NPSR1: variants seen among roughly 807,000 people sequenced by gnomAD.
The protein encoded by NPSR1 is neuropeptide S receptor.
NPSR1 carries 48 observed loss-of-function variants against 46.9 expected under a neutral mutation model. That is an observed-to-expected ratio of 1.02 (90% CI 0.81 to 1.30). NPSR1 has a LOEUF of 1.30. NPSR1 is among the 50% of genes most tolerant of loss of function. The pLI is 0.00. For synonymous variants in NPSR1, 176 were observed against 168.1 expected (o/e 1.05, Z -0.36); for missense variants, 450 against 449.5 (o/e 1.00, Z -0.01).
intron 1 of NPSR1, among the ~76,000 whole-genome samples, chr7:34,662,276 T>C (rs2128668953): frequency 6.6e-6 from 1 of 152,316 alleles, no homozygotes; most frequent in African/African-American, 2.4e-5. Flanking sequence ...TGCTTCTAAG[T>C]GCTTGAGGGT....
chr7:34,854,536 T>C (rs1382114719), downstream of NPSR1, among the ~76,000 whole-genome samples: 14 of 152,208 alleles, frequency 9.2e-5, no homozygotes, highest in Admixed American at 2.0e-4. Flanking sequence ...ACTAAATACC[T>C]TTTAAGGCAA....
chr7:34,823,414 A>AC (rs1235773389), intron 4 of NPSR1, among the ~76,000 whole-genome samples: 5 of 147,472 alleles, frequency 3.4e-5, no homozygotes, highest in African/African-American at 1.0e-4. Context: ...AAAAAAAAAA[A>AC]AACAACACCA....
At chr7:34,852,487 C>T (rs1473291766), downstream of NPSR1, among the ~76,000 whole-genome samples, 1 of 151,968 alleles carries the variant, frequency 6.6e-6, no homozygotes, top group Non-Finnish European at 1.5e-5. Flanking sequence ...GGTGGTTCCT[C>T]CCAGACACAG....
intron 2 of NPSR1, among the ~76,000 whole-genome samples, chr7:34,712,682 C>T (rs34360703): frequency 3.0e-4 from 45 of 152,158 alleles, no homozygotes; most frequent in African/African-American, 9.9e-4. Context: ...GAGGAACAAC[C>T]GAAACAGAGA....
At chr7:34,861,073 C>T (rs1393892993) in intron 8 of NPSR1, among the ~76,000 whole-genome samples, 2 of 151,828 alleles carry the variant, frequency 1.3e-5, no homozygotes, top group Non-Finnish European at 2.9e-5. Context: ...ATTGAGGCTT[C>T]GTTCCAGGCA....
chr7:34,783,645 C>G (rs1306784482), intron 3 of NPSR1, among the ~76,000 whole-genome samples: 2 of 151,602 alleles, frequency 1.3e-5, no homozygotes, highest in Non-Finnish European at 2.9e-5. Flanking sequence ...TACAAATATC[C>G]AGGTGTACAA....
intron 5 of NPSR1, among the ~76,000 whole-genome samples, chr7:34,830,746 C>T (rs552544145): frequency 7.2e-4 from 110 of 152,214 alleles, no homozygotes; most frequent in African/African-American, 2.6e-3. Flanking sequence ...GCCACAAATA[C>T]CTCATTGTTT....
chr7:34,841,220 C>A (rs1455261006), intron 6 of NPSR1, among the ~76,000 whole-genome samples: 1 of 152,146 alleles, frequency 6.6e-6, no homozygotes, highest in Non-Finnish European at 1.5e-5. Context: ...GAATTCCCCC[C>A]ACTACCTCCC....
intron 2 of NPSR1, among the ~76,000 whole-genome samples, chr7:34,757,621 C>T (rs1446559464): frequency 1.3e-5 from 2 of 152,096 alleles, no homozygotes; most frequent in African/African-American, 4.8e-5. Flanking sequence ...GCTCTGAAGC[C>T]CAGCCTGTTC....
intron 8 of NPSR1, among the ~76,000 whole-genome samples, chr7:34,866,739 C>T (rs1299904528): frequency 6.6e-6 from 1 of 151,560 alleles, no homozygotes; most frequent in Non-Finnish European, 1.5e-5. Context: ...GCAAGATTTG[C>T]ACTCTAGGGA....
intron 2 of NPSR1, among the ~76,000 whole-genome samples, chr7:34,710,020 G>A (rs1235545000): frequency 2.6e-5 from 4 of 152,176 alleles, no homozygotes; most frequent in African/African-American, 4.8e-5. Context: ...TCAGACTCCT[G>A]AGCAAGCTCC....
intron 2 of NPSR1, among the ~76,000 whole-genome samples, chr7:34,769,257 A>G (rs1786569497): frequency 1.3e-5 from 2 of 152,094 alleles, no homozygotes; most frequent in South Asian, 2.1e-4. Context: ...TTCACAATGT[A>G]CATCCTCTCT....
At chr7:34,777,480 A>G (rs1439437694) in intron 2 of NPSR1, among the ~76,000 whole-genome samples, 1 of 147,936 alleles carries the variant, frequency 6.8e-6, no homozygotes, top group East Asian at 2.0e-4. Context: ...AGAGATTTAA[A>G]ACTGTTTTTT....
At chr7:34,851,162 C>T (rs1790922323), downstream of NPSR1, among the ~76,000 whole-genome samples, 2 of 150,890 alleles carry the variant, frequency 1.3e-5, no homozygotes, top group African/African-American at 4.9e-5. Flanking sequence ...ATCCTCCTTC[C>T]CAGAATTATT....
intron 3 of NPSR1, among the ~76,000 whole-genome samples, chr7:34,805,993 T>C (rs569885024): frequency 1.5e-4 from 23 of 151,950 alleles, no homozygotes; most frequent in Non-Finnish European, 3.2e-4. Context: ...ACACATCTAT[T>C]AGATAATCAC....
chr7:34,839,377 A>C (rs1199126226), intron 6 of NPSR1, among the ~76,000 whole-genome samples: 1 of 152,210 alleles, frequency 6.6e-6, no homozygotes, highest in Non-Finnish European at 1.5e-5. Context: ...AGTAGCCTAG[A>C]CATTCCTAGA....
intron 2 of NPSR1, among the ~76,000 whole-genome samples, chr7:34,766,557 CA>C (rs1340617558): frequency 7.2e-5 from 11 of 151,748 alleles, no homozygotes; most frequent in Admixed American, 7.2e-4. Flanking sequence ...AGAAGAATTT[CA>C]AAGGCATTAT....
chr7:34,672,812 C>T (rs561586851), intron 1 of NPSR1, among the ~76,000 whole-genome samples: 5 of 152,276 alleles, frequency 3.3e-5, no homozygotes, highest in East Asian at 3.9e-4. Context: ...TGAGGAAGAT[C>T]GCAGATGGAC....
chr7:34,838,559 C>G (rs1034340638), intron 6 of NPSR1, among the ~76,000 whole-genome samples: 2 of 152,098 alleles, frequency 1.3e-5, no homozygotes, highest in African/African-American at 4.8e-5. Context: ...AGGATTATTG[C>G]TCATCAACAA....
Sources: gnomAD v4.1 joint callset for allele counts (sites outside exome capture counted in the v4.1 genomes callset) on GRCh38, gnomAD v4.1.1 for gene constraint, MANE v1.5 for transcripts, NCBI Gene and HGNC (gene_info 2026-07-23, HGNC 2026-07-21) for gene names.